The following DNAJC15 variants were observed in gnomAD, a reference collection of about 807,000 sequenced individuals.
The protein encoded by DNAJC15 is DnaJ heat shock protein family (Hsp40) member C15.
In DNAJC15, 27 loss-of-function variants were observed where a neutral mutation model predicts 22.4. The observed-to-expected ratio is 1.20, with a 90% CI of 0.89 to 1.66. The LOEUF is 1.66. Among genes scored for constraint, DNAJC15 ranks in the 40% most tolerant of loss-of-function variants. The probability of loss-of-function intolerance (pLI) is 0.00; values close to 1 mark genes in which losing one functional copy is unlikely to be tolerated. For missense variants in DNAJC15, 208 were observed against 187.1 expected, an observed-to-expected ratio of 1.11 and a Z score of -0.65; for synonymous variants, 79 against 63.2, an observed-to-expected ratio of 1.25 and a Z score of -1.19.
chr13:43,084,943 C>T (rs931507404), intron 4 of DNAJC15, among the ~76,000 whole-genome samples: 2 of 152,114 alleles, frequency 1.3e-5, no homozygotes, highest in Non-Finnish European at 1.5e-5. Context: ...TCTAACATTT[C>T]GTAGGCATTA....
chr13:43,091,381 C>T (rs551477221), intron 5 of DNAJC15, among the ~76,000 whole-genome samples: 8 of 152,354 alleles, frequency 5.3e-5, no homozygotes, highest in African/African-American at 1.7e-4. Context: ...AGCCACTGCG[C>T]CTGGCCAATT....
intron 1 of DNAJC15, among the ~76,000 whole-genome samples, chr13:43,061,816 A>G (rs1285813131): frequency 6.6e-6 from 1 of 152,212 alleles, no homozygotes; most frequent in Non-Finnish European, 1.5e-5. Context: ...ACATTTCCAC[A>G]TGAGATGTGA....
Position 43,107,291 on chromosome 13 carries a change from GAAA to G in DNAJC15, c.*53_*55del. ...GAAGGAAAAAAAAAGAGGGGACTTCGAAAAAAAAAAAAGCCCTGCAAAATATTC... is the reference window on the plus strand; with the variant it reads ...GAAGGAAAAAAAAAGAGGGGACTTCGAAAAAAAAAGCCCTGCAAAATATTC... On this transcript the variant is annotated 3_prime_UTR_variant, in exon 6 of 6. Coordinates refer to ENST00000379221, the MANE Select transcript of DNAJC15 (RefSeq NM_013238.3). The G allele has an allele frequency of 2.4e-6, 3 of 1,235,440 alleles. No homozygotes were observed. The highest frequency in any genetic ancestry group is 3.9e-5 in the South Asian group (2 of 51,326). The allele number at this position is 1,235,440 out of a possible 1,614,324, so 76.5% of individuals were successfully genotyped here.
At chr13:43,068,573 A>T (rs977375446) in intron 2 of DNAJC15, among the ~76,000 whole-genome samples, 3 of 152,110 alleles carry the variant, frequency 2.0e-5, no homozygotes, top group African/African-American at 7.2e-5. Flanking sequence ...AGTATCTTTT[A>T]TATGTAATAG....
At chr13:43,090,401 G>C (rs1439419170) in intron 5 of DNAJC15, among the ~76,000 whole-genome samples, 1 of 152,110 alleles carries the variant, frequency 6.6e-6, no homozygotes, top group African/African-American at 2.4e-5. Flanking sequence ...AGTTCATTAC[G>C]TAGGAACTAA....
At chr13:43,025,769 T>C (rs1248104499) in intron 1 of DNAJC15, among the ~76,000 whole-genome samples, 2 of 152,150 alleles carry the variant, frequency 1.3e-5, no homozygotes, top group African/African-American at 4.8e-5. Context: ...CTGGGCATGG[T>C]AGCACAAGTC....
intron 4 of DNAJC15, among the ~76,000 whole-genome samples, chr13:43,085,487 T>C (rs566200827): frequency 1.3e-5 from 2 of 152,320 alleles, no homozygotes; most frequent in South Asian, 2.1e-4. Context: ...TACAGTATTG[T>C]CTGCAGAAGC....
chr13:43,029,712 C>T (rs2040396005), intron 1 of DNAJC15, among the ~76,000 whole-genome samples: 3 of 151,860 alleles, frequency 2.0e-5, no homozygotes, highest in Admixed American at 1.3e-4. Flanking sequence ...GTAACAGATA[C>T]CTGACATGGC....
In DNAJC15 at chr13:43,109,724, G is replaced by C. The variant is rs1467689456; in HGVS notation, c.*2476G>C. 6.6e-6 allele frequency: 1 copy of C among 152,070 alleles called. No individual in the cohort carries two copies. Among genetic ancestry groups the C allele is most frequent in the Non-Finnish European group, 1.5e-5 (1 of 68,016 alleles). The allele number at this position is 152,070 out of a possible 1,614,324, so 9.4% of individuals were successfully genotyped here. Reference sequence around the variant, plus strand: ...CGGGGCCTGTTGTGGGGCGGGGAGAGGGGGGAGGGATCGCATTTGGAGATA... The same window carrying C: ...CGGGGCCTGTTGTGGGGCGGGGAGACGGGGGAGGGATCGCATTTGGAGATA... On this transcript the variant is annotated 3_prime_UTR_variant, in exon 6 of 6. Coordinates refer to ENST00000379221, the MANE Select transcript of DNAJC15 (RefSeq NM_013238.3).
At chr13:43,072,995 T>A (rs2040616051) in intron 3 of DNAJC15, among the ~76,000 whole-genome samples, 1 of 152,238 alleles carries the variant, frequency 6.6e-6, no homozygotes, top group Non-Finnish European at 1.5e-5. Context: ...AATTCTCTTC[T>A]GCTTCCTAAT....
Position 43,023,614 on chromosome 13 carries a change from G to A in DNAJC15, c.-13G>A. On this transcript the variant is annotated 5_prime_UTR_variant, in exon 1 of 6. Coordinates refer to ENST00000379221, the MANE Select transcript of DNAJC15 (RefSeq NM_013238.3). Reference sequence around the variant, plus strand: ...CACTGCCGCGGCGCCTTGAGTCTCCGGGCCGCCTTGCCATGGCTGCCCGTG... The same window carrying A: ...CACTGCCGCGGCGCCTTGAGTCTCCAGGCCGCCTTGCCATGGCTGCCCGTG... The A allele has an allele frequency of 6.2e-7, 1 of 1,604,794 alleles. No individual in the cohort carries two copies.
intron 5 of DNAJC15, among the ~76,000 whole-genome samples, chr13:43,106,775 G>A (rs2040798760): frequency 6.7e-6 from 1 of 148,732 alleles, no homozygotes; most frequent in Non-Finnish European, 1.5e-5. Context: ...AAAGATACCC[G>A]TTTTCACAGA....
At chr13:43,062,095 C>G (rs2040561989) in intron 1 of DNAJC15, among the ~76,000 whole-genome samples, 1 of 151,862 alleles carries the variant, frequency 6.6e-6, no homozygotes, top group Admixed American at 6.6e-5. Flanking sequence ...ATTGAAGGGA[C>G]TGTTTTCAGA....
chr13:43,046,608 G>T (rs764995699), intron 1 of DNAJC15, among the ~76,000 whole-genome samples: 1 of 152,178 alleles, frequency 6.6e-6, no homozygotes, highest in Non-Finnish European at 1.5e-5. Context: ...GAGAGCACAG[G>T]GGGAGGGGCA....
chr13:43,099,992 A>G (rs538787795), intron 5 of DNAJC15, among the ~76,000 whole-genome samples: 22 of 152,210 alleles, frequency 1.4e-4, no homozygotes, highest in Non-Finnish European at 2.8e-4. Context: ...TCTATAAGCC[A>G]TCAGGGGCTG....
intron 1 of DNAJC15, among the ~76,000 whole-genome samples, chr13:43,028,093 A>G (rs2040388735): frequency 6.6e-6 from 1 of 152,242 alleles, no homozygotes; most frequent in Non-Finnish European, 1.5e-5. Context: ...TAAACATTCC[A>G]AAAAGAAATT....
chr13:43,078,056 G>GTTC (rs1406758843), intron 3 of DNAJC15, among the ~76,000 whole-genome samples: 1 of 152,058 alleles, frequency 6.6e-6, no homozygotes, highest in Non-Finnish European at 1.5e-5. Context: ...TCCTTCCATT[G>GTTC]TTTACAAGGC....
At chr13:43,036,290 C>CA (rs1402375759) in intron 1 of DNAJC15, among the ~76,000 whole-genome samples, 4 of 151,814 alleles carry the variant, frequency 2.6e-5, no homozygotes, top group Non-Finnish European at 5.9e-5. Context: ...CTCAGCTTCC[C>CA]AAGTAGCTGG....
chr13:43,066,544 T>C (rs1021551237), intron 2 of DNAJC15, among the ~76,000 whole-genome samples: 2 of 152,226 alleles, frequency 1.3e-5, no homozygotes, highest in Non-Finnish European at 2.9e-5. Context: ...GTCAGTTTTA[T>C]TACATAAGGG....
Sources: allele counts gnomAD v4.1 joint callset (sites outside exome capture counted in the v4.1 genomes callset), GRCh38; gene constraint gnomAD v4.1.1; transcripts MANE v1.5; gene names NCBI Gene and HGNC (gene_info 2026-07-23, HGNC 2026-07-21).